Variants in ADCY2 observed in about 807,000 individuals in gnomAD.
The protein encoded by ADCY2 is adenylate cyclase 2, also known as adenylate cyclase type 2.
In ADCY2, 31 loss-of-function variants were observed where a neutral mutation model predicts 125.2. The ratio of observed to expected loss-of-function variants is 0.25; its 90% CI spans 0.19 to 0.33. The LOEUF (loss-of-function observed/expected upper bound fraction) is 0.33, where lower values mean the gene tolerates loss of function less well. ADCY2 is among the 10% of genes least tolerant of loss of function. ADCY2 has a pLI of 1.00. For synonymous variants in ADCY2, 512 were observed against 548.4 expected, an observed-to-expected ratio of 0.93 and a Z score of 0.93; for missense variants, 904 against 1,418.2, an observed-to-expected ratio of 0.64 and a Z score of 5.82.
At chr5:7,461,582 A>G (rs1741919332) in intron 2 of ADCY2, among the ~76,000 whole-genome samples, 1 of 152,230 alleles carries the variant, frequency 6.6e-6, no homozygotes, top group Admixed American at 6.5e-5. Flanking sequence ...AATCTGACGT[A>G]GTTTCCCAGC....
intron 11 of ADCY2, among the ~76,000 whole-genome samples, chr5:7,713,277 G>T (rs2126367867): frequency 6.6e-6 from 1 of 152,008 alleles, no homozygotes; most frequent in African/African-American, 2.4e-5. Flanking sequence ...GATCACTTGA[G>T]ATCAGGAGTT....
chr5:7,596,358 C>T (rs998202139), intron 3 of ADCY2, among the ~76,000 whole-genome samples: 1 of 152,122 alleles, frequency 6.6e-6, no homozygotes, highest in African/African-American at 2.4e-5. Context: ...GTATCTCCAC[C>T]GTTTCCTCAC....
intron 4 of ADCY2, among the ~76,000 whole-genome samples, chr5:7,677,403 G>A (rs1374167959): frequency 6.6e-6 from 1 of 152,186 alleles, no homozygotes; most frequent in Non-Finnish European, 1.5e-5. Context: ...AAACATGAAC[G>A]GTTCCTCTCC....
At position 7,744,274 on chromosome 5, in the gene ADCY2, G is replaced by A. The variant is rs371342072; in HGVS notation, c.1956+522G>A. Among the ~76,000 whole-genome samples the A allele has an allele frequency of 1.8e-4, 28 of 152,118 alleles. No individual in the cohort carries two copies. The South Asian group carries it at 5.0e-3, about 27-fold the overall frequency. On this transcript the variant is annotated intron_variant, in intron 15 of 24. Coordinates refer to ENST00000338316, the MANE Select transcript of ADCY2 (RefSeq NM_020546.3). Reference sequence around the variant, plus strand: ...ATTAGGACAAATACCTAATGCATGCGGGGCATAAAACCTAGATGATGGGTT... The same window carrying A: ...ATTAGGACAAATACCTAATGCATGCAGGGCATAAAACCTAGATGATGGGTT...
intron 3 of ADCY2, among the ~76,000 whole-genome samples, chr5:7,547,863 T>A (rs188145182): frequency 6.6e-6 from 1 of 152,342 alleles, no homozygotes; most frequent in Admixed American, 6.5e-5. Flanking sequence ...CTGGAGGGAC[T>A]TTCCCACAGC....
chr5:7,828,789 T>A lies in ADCY2; in HGVS notation c.*1918T>A, dbSNP rs1745561220. On this transcript the variant is annotated 3_prime_UTR_variant, in exon 25 of 25. Coordinates refer to ENST00000338316, the MANE Select transcript of ADCY2 (RefSeq NM_020546.3). ...CTCAAACTGGCCTTGGTGTAAAATGTGTAAGGATGAGCAGCAGGCGTGCCT... is the reference window on the plus strand; with the variant it reads ...CTCAAACTGGCCTTGGTGTAAAATGAGTAAGGATGAGCAGCAGGCGTGCCT... The A allele has an allele frequency of 6.6e-6, 1 of 152,304 alleles. No individual in the cohort carries two copies. The highest frequency in any genetic ancestry group is 1.5e-5 in the Non-Finnish European group (1 of 68,040). The allele number at this position is 152,304 out of a possible 1,614,324, so 9.4% of individuals were successfully genotyped here. A position where few individuals can be genotyped will look rare whatever the true frequency, so the allele number is the denominator to read the frequency against.
rs377471346 is a variant in ADCY2 at position 7,755,500 on chromosome 5, G to A, written c.1957-1949G>A. ...GAAATAGGATTTTGGTCACTAAAATGTTTCTAAGAAACATTGTGTTTTCTT... is the reference window on the plus strand; with the variant it reads ...GAAATAGGATTTTGGTCACTAAAATATTTCTAAGAAACATTGTGTTTTCTT... On this transcript the variant is annotated intron_variant, in intron 15 of 24. Transcript: ENST00000338316. Among the ~76,000 whole-genome samples the A allele has an allele frequency of 1.8e-4, 28 of 152,232 alleles. No individual in the cohort carries two copies. In the East Asian group the frequency reaches 2.9e-3, roughly 16 times the overall value.
At chr5:7,704,079 C>T (rs1741181344) in intron 7 of ADCY2, among the ~76,000 whole-genome samples, 1 of 151,828 alleles carries the variant, frequency 6.6e-6, no homozygotes, top group Non-Finnish European at 1.5e-5. Flanking sequence ...CAGCACGTTC[C>T]AGGAATTGTT....
At chr5:7,581,236 T>C (rs1736415707) in intron 3 of ADCY2, among the ~76,000 whole-genome samples, 1 of 152,228 alleles carries the variant, frequency 6.6e-6, no homozygotes, top group Non-Finnish European at 1.5e-5. Context: ...AACATCATAT[T>C]GAAAAATTTG....
intron 3 of ADCY2, among the ~76,000 whole-genome samples, chr5:7,575,339 C>A (rs1308370841): frequency 2.0e-5 from 3 of 151,536 alleles, no homozygotes; most frequent in African/African-American, 4.9e-5. Context: ...ATGAAAAAAA[C>A]ACAAAACTGT....
intron 2 of ADCY2, among the ~76,000 whole-genome samples, chr5:7,421,126 T>G (rs933891814): frequency 6.6e-5 from 10 of 152,180 alleles, no homozygotes; most frequent in African/African-American, 2.4e-4. Flanking sequence ...AATTCCAGAA[T>G]GTGTTTATTG....
At chr5:7,451,321 G>C (rs1382218507) in intron 2 of ADCY2, among the ~76,000 whole-genome samples, 1 of 152,224 alleles carries the variant, frequency 6.6e-6, no homozygotes, top group Admixed American at 6.5e-5. Context: ...GGAAGAAGTT[G>C]AGTTCAACCC....
chr5:7,817,195 G>A lies in ADCY2; in HGVS notation c.2998+215G>A, dbSNP rs1055697518. On this transcript the variant is annotated intron_variant, in intron 23 of 24. Coordinates refer to ENST00000338316, the MANE Select transcript of ADCY2 (RefSeq NM_020546.3). ...CCTAGGCTACCTGCACTCAGTCAAGGTCGCGTCTACAAACACGGCACGCAC... is the reference window on the plus strand; with the variant it reads ...CCTAGGCTACCTGCACTCAGTCAAGATCGCGTCTACAAACACGGCACGCAC... Among the ~76,000 whole-genome samples the A allele has an allele frequency of 3.9e-5, 6 of 152,042 alleles. No homozygotes were observed. The East Asian group carries it at 1.2e-3, about 29-fold the overall frequency.
intron 1 of ADCY2, among the ~76,000 whole-genome samples, chr5:7,401,256 A>G (rs1221290187): frequency 2.6e-5 from 4 of 152,184 alleles, no homozygotes; most frequent in Non-Finnish European, 1.5e-5. Flanking sequence ...GTGAGGGAAT[A>G]CTGTAGTCAC....
chr5:7,779,389 A>T (rs1419030276), intron 18 of ADCY2, among the ~76,000 whole-genome samples: 1 of 152,224 alleles, frequency 6.6e-6, no homozygotes, highest in Non-Finnish European at 1.5e-5. Context: ...TAGAATGTGC[A>T]GTGTTTCTAA....
Position 7,521,696 on chromosome 5 carries a change from C to G in ADCY2, c.570+797C>G, listed in dbSNP as rs147907712. 7.9e-5 allele frequency among the ~76,000 whole-genome samples: 12 copies of G among 152,322 alleles called. No individual in the cohort carries two copies. In the East Asian group the frequency reaches 2.3e-3, roughly 29 times the overall value. ...ATAGGTCACCTAAGCCCTGCTGGGT[C>G]TGAGAAACCAGTTTTTCTTTCACGT... On this transcript the variant is annotated intron_variant, in intron 3 of 24. Transcript: ENST00000338316.
chr5:7,634,525 T>C (rs1168692277), intron 4 of ADCY2, among the ~76,000 whole-genome samples: 1 of 152,184 alleles, frequency 6.6e-6, no homozygotes, highest in Non-Finnish European at 1.5e-5. Flanking sequence ...TTGTCATAAA[T>C]GTGGACTATA....
At chr5:7,712,534 A>C (rs937814310) in intron 10 of ADCY2, among the ~76,000 whole-genome samples, 10 of 152,184 alleles carry the variant, frequency 6.6e-5, no homozygotes, top group African/African-American at 2.4e-4. Context: ...ACTGATGGTA[A>C]CTCTGATATC....
chr5:7,791,969 G>C (rs1744262097), intron 20 of ADCY2, among the ~76,000 whole-genome samples: 2 of 152,080 alleles, frequency 1.3e-5, no homozygotes, highest in Non-Finnish European at 2.9e-5. Context: ...GGAACGGGGA[G>C]AGAACATTTC....
Sources: allele counts gnomAD v4.1 joint callset (sites outside exome capture counted in the v4.1 genomes callset), GRCh38; gene constraint gnomAD v4.1.1; transcripts MANE v1.5; gene names NCBI Gene and HGNC (gene_info 2026-07-23, HGNC 2026-07-21).